The following CHRDL1 variants were observed in gnomAD, a reference collection of about 807,000 sequenced individuals.
CHRDL1 encodes the protein chordin-like protein 1.
Under a neutral mutation model 40.9 loss-of-function variants are expected in CHRDL1, and 19 were observed. The ratio of observed to expected loss-of-function variants is 0.46; its 90% confidence interval spans 0.32 to 0.68. CHRDL1 has a LOEUF of 0.68. Among genes scored for constraint, CHRDL1 ranks in the 30% least tolerant of loss-of-function variants. The pLI, the probability that CHRDL1 is intolerant of heterozygous loss-of-function variation, is 0.03. For missense variants in CHRDL1, 329 were observed against 352.1 expected (o/e 0.93, Z 0.53); for synonymous variants, 136 against 123.4 (o/e 1.10, Z -0.68).
At chrX:110,705,281 C>CTATATA (rs10551964) in intron 6 of CHRDL1, among the ~76,000 whole-genome samples, 2 of 76,814 alleles carry the variant, frequency 2.6e-5, no homozygotes, top group African/African-American at 1.1e-4. Context: ...GTAATGGAGA[C>CTATATA]TATATATATA....
chrX:110,740,087 C>A (rs780257648), intron 4 of CHRDL1, among the ~76,000 whole-genome samples: 1 of 112,340 alleles, frequency 8.9e-6, no homozygotes, highest in Non-Finnish European at 1.9e-5. Context: ...ATGCTTTAGT[C>A]CCTAAGTTGT....
At chrX:110,751,885 G>A (rs1010325164) in intron 4 of CHRDL1, among the ~76,000 whole-genome samples, 1 of 111,790 alleles carries the variant, frequency 8.9e-6, no homozygotes, top group African/African-American at 3.3e-5. Flanking sequence ...TTCCATCAAC[G>A]GAAGAATGGA....
chrX:110,689,578 A>C (rs758146651), intron 8 of CHRDL1, among the ~76,000 whole-genome samples: 340 of 4,128 alleles, frequency 0.082, 8 homozygotes, highest in Non-Finnish European at 0.13. Flanking sequence ...ATATCTATAT[A>C]TCTATATATC....
intron 6 of CHRDL1, among the ~76,000 whole-genome samples, chrX:110,706,280 A>C (rs2070637763): frequency 8.9e-6 from 1 of 112,206 alleles, no homozygotes; most frequent in Non-Finnish European, 1.9e-5. Context: ...CAGAGATTCT[A>C]ATGGATTCAG....
In CHRDL1 at chrX:110,789,311, G is replaced by T. The variant is rs1222240483; in HGVS notation, c.94+2777C>A. ...GATTATAATCTTGGTGAAGGAATTA[G>T]AAATGGACTTTCATACATAGATGGT... On this transcript the variant is annotated intron_variant, in intron 2 of 11. Coordinates refer to ENST00000372042, the MANE Select transcript of CHRDL1 (RefSeq NM_001143981.2). Among the ~76,000 whole-genome samples the T allele has an allele frequency of 3.6e-5, 4 of 111,768 alleles. No individual in the cohort carries two copies. The Admixed American group carries it at 3.8e-4, about 11-fold the overall frequency.
rs780350750 is a variant in CHRDL1, at chrX:110,711,710, T to C, written c.541+8125A>G. On this transcript the variant is annotated intron_variant, in intron 6 of 11. Coordinates refer to ENST00000372042, the MANE Select transcript of CHRDL1 (RefSeq NM_001143981.2). ...TATGATGTTTAAAATCAATGAAGTATCTCACATACCACTTCCCTGAAGATC... is the reference window on the plus strand; with the variant it reads ...TATGATGTTTAAAATCAATGAAGTACCTCACATACCACTTCCCTGAAGATC... 2.7e-5 allele frequency among the ~76,000 whole-genome samples: 3 copies of C among 112,066 alleles called. No homozygotes were observed. The South Asian group carries it at 1.1e-3, about 42-fold the overall frequency.
chrX:110,785,949 A>C (rs1214980375), intron 2 of CHRDL1, among the ~76,000 whole-genome samples: 1 of 112,396 alleles, frequency 8.9e-6, no homozygotes, highest in Non-Finnish European at 1.9e-5. Context: ...CTTACTGCTT[A>C]TAGAAAGTCC....
At chrX:110,715,933 C>T (rs768632301) in intron 6 of CHRDL1, among the ~76,000 whole-genome samples, 10 of 112,473 alleles carry the variant, frequency 8.9e-5, no homozygotes, top group African/African-American at 2.6e-4. Context: ...AACAGCTACA[C>T]TGTAGTACAG....
At chrX:110,791,692 C>A (rs949251598) in intron 2 of CHRDL1, among the ~76,000 whole-genome samples, 1 of 110,143 alleles carries the variant, frequency 9.1e-6, no homozygotes, top group Admixed American at 9.6e-5. Context: ...CTTTTTTTTT[C>A]TTTTCTGTGT....
At chrX:110,724,841 C>A (rs1332567430) in intron 4 of CHRDL1, among the ~76,000 whole-genome samples, 1 of 111,395 alleles carries the variant, frequency 9.0e-6, no homozygotes, top group Non-Finnish European at 1.9e-5. Flanking sequence ...AGAGGGCCAA[C>A]ACAGCATGCT....
At chrX:110,732,139 A>G (rs887788621) in intron 4 of CHRDL1, among the ~76,000 whole-genome samples, 3 of 111,578 alleles carry the variant, frequency 2.7e-5, no homozygotes, top group Admixed American at 9.5e-5. Context: ...TTAAAAAGAA[A>G]GGGAGAATCA....
chrX:110,715,799 T>TGTA (rs1278611592), intron 6 of CHRDL1, among the ~76,000 whole-genome samples: 1 of 112,773 alleles, frequency 8.9e-6, no homozygotes, highest in Non-Finnish European at 1.9e-5. Context: ...ACTGGTTATA[T>TGTA]TAGCAACCAC....
intron 2 of CHRDL1, among the ~76,000 whole-genome samples, chrX:110,791,211 C>T (rs905107906): frequency 1.1e-4 from 12 of 111,604 alleles, no homozygotes; most frequent in African/African-American, 3.6e-4. Flanking sequence ...GAGAATGCCC[C>T]TCTTGGACCA....
chrX:110,740,824 CA>C (rs1187764773), intron 4 of CHRDL1, among the ~76,000 whole-genome samples: 2 of 112,015 alleles, frequency 1.8e-5, no homozygotes, highest in Non-Finnish European at 3.8e-5. Context: ...GTGTCTAGAA[CA>C]GGGGTTATAG....
chrX:110,756,060 A>G (rs752623478), intron 4 of CHRDL1, among the ~76,000 whole-genome samples: 1 of 111,774 alleles, frequency 8.9e-6, no homozygotes, highest in Non-Finnish European at 1.9e-5. Context: ...AAAGCTATTT[A>G]CTCTTGTTTT....
At chrX:110,697,196 G>A (rs1391052708) in intron 7 of CHRDL1, among the ~76,000 whole-genome samples, 3 of 110,493 alleles carry the variant, frequency 2.7e-5, no homozygotes, top group Non-Finnish European at 3.8e-5. Context: ...AGGCTTTAGA[G>A]GTGGCTCTAA....
Position 110,775,894 on chromosome X carries a change from A to T in CHRDL1, c.95-13087T>A, listed in dbSNP as rs773604427. 2.7e-5 allele frequency among the ~76,000 whole-genome samples: 3 copies of T among 111,000 alleles called. No individual in the cohort carries two copies. In the South Asian group the frequency reaches 1.1e-3, roughly 42 times the overall value. ...GCATATCAATTATACTTCGTTTAAGAAAGTTTTTAGTGGCTGCCCTAGAGT... is the reference window on the plus strand; with the variant it reads ...GCATATCAATTATACTTCGTTTAAGTAAGTTTTTAGTGGCTGCCCTAGAGT... On this transcript the variant is annotated intron_variant, in intron 2 of 11. Coordinates refer to ENST00000372042, the MANE Select transcript of CHRDL1 (RefSeq NM_001143981.2).
intron 2 of CHRDL1, among the ~76,000 whole-genome samples, chrX:110,781,192 T>C (rs911541078): frequency 8.9e-6 from 1 of 111,824 alleles, no homozygotes; most frequent in African/African-American, 3.2e-5. Context: ...TGAGAGTTAC[T>C]GTTTCTGTAC....
At chrX:110,684,438 T>C (rs2069963669) in intron 9 of CHRDL1, among the ~76,000 whole-genome samples, 1 of 111,765 alleles carries the variant, frequency 8.9e-6, no homozygotes, top group Admixed American at 9.5e-5. Context: ...GATCATCCCA[T>C]TTCTCACCCC....
Sources: allele counts gnomAD v4.1 joint callset (sites outside exome capture counted in the v4.1 genomes callset), GRCh38; gene constraint gnomAD v4.1.1; transcripts MANE v1.5; gene names NCBI Gene and HGNC (gene_info 2026-07-23, HGNC 2026-07-21).